Variants in PDLIM3 observed in about 807,000 individuals in gnomAD.
PDLIM3 encodes the protein PDZ and LIM domain protein 3.
A neutral mutation model predicts 37.3 loss-of-function variants in PDLIM3; 36 were observed. That is an observed-to-expected ratio of 0.97 (90% CI 0.74 to 1.28). PDLIM3 has a LOEUF of 1.28. Ranked by LOEUF, PDLIM3 falls within the 50% of genes most tolerant of loss-of-function variation. The pLI, the probability that PDLIM3 is intolerant of heterozygous loss-of-function variation, is 0.00. For synonymous variants in PDLIM3, 174 were observed against 182.4 expected, an observed-to-expected ratio of 0.95 and a Z score of 0.37; for missense variants, 454 against 485.0, an observed-to-expected ratio of 0.94 and a Z score of 0.60.
chr4:185,523,909 C>T (rs1208304195), intron 2 of PDLIM3, among the ~76,000 whole-genome samples: 2 of 151,766 alleles, frequency 1.3e-5, no homozygotes, highest in Non-Finnish European at 2.9e-5. Context: ...GGAGCCACCA[C>T]ACCCGGCCGA....
At chr4:185,525,231 C>A in intron 1 of PDLIM3, 60 bp from the exon 2 acceptor site, 2 of 1,538,466 alleles carry the variant, frequency 1.3e-6, no homozygotes, top group Non-Finnish European at 9.0e-7. Context: ...GAGTTTTGTG[C>A]CTGACATTTG....
chr4:185,527,284 T>C (rs908605742), intron 1 of PDLIM3, among the ~76,000 whole-genome samples: 5 of 152,256 alleles, frequency 3.3e-5, no homozygotes, highest in African/African-American at 1.2e-4. Context: ...TTATTTCTAA[T>C]GCTTTATTTA....
intron 4 of PDLIM3, among the ~76,000 whole-genome samples, chr4:185,509,223 TGAG>T (rs151248621): frequency 0.027 from 4,121 of 152,256 alleles, 184 homozygotes; most frequent in African/African-American, 0.093. Flanking sequence ...TTTAGTTCTG[TGAG>T]GAGTATACTT....
Position 185,529,632 on chromosome 4 carries a change from A to C in PDLIM3, c.94-4461T>G, listed in dbSNP as rs143355113. Among the ~76,000 whole-genome samples, 78 of 152,300 alleles carry C rather than the reference A, an allele frequency of 5.1e-4. 1 individual carries two copies. Among genetic ancestry groups the C allele is most frequent in the African/African-American group, 1.8e-3 (73 of 41,560 alleles). On this transcript the variant is annotated intron_variant, in intron 1 of 7. Coordinates refer to ENST00000284767, the MANE Select transcript of PDLIM3 (RefSeq NM_014476.6). ...AGCCACACCCCACACCGGTTATATT[A>C]GAATCTCTGCATGCACCTGGGCATG...
intron 1 of PDLIM3, among the ~76,000 whole-genome samples, chr4:185,533,675 A>G (rs1361854190): frequency 6.6e-6 from 1 of 152,188 alleles, no homozygotes; most frequent in Non-Finnish European, 1.5e-5. Context: ...CCATTATATC[A>G]AATATATTTA....
At chr4:185,534,005 G>C (rs2095749148) in intron 1 of PDLIM3, among the ~76,000 whole-genome samples, 1 of 152,124 alleles carries the variant, frequency 6.6e-6, no homozygotes, top group Admixed American at 6.5e-5. Context: ...TCTATAATAG[G>C]AATTGCTTGG....
intron 3 of PDLIM3, among the ~76,000 whole-genome samples, chr4:185,520,004 T>C (rs1580256446): frequency 6.6e-6 from 1 of 152,236 alleles, no homozygotes; most frequent in South Asian, 2.1e-4. Context: ...GAAAAAGACA[T>C]CTTTTTTGCA....
Position 185,514,884 on chromosome 4 carries a change from T to C in PDLIM3, c.331-547A>G. 1 of 1,550,398 alleles carries C rather than the reference T, an allele frequency of 6.4e-7. No homozygotes were observed. The highest frequency in any genetic ancestry group is 8.7e-7 in the Non-Finnish European group (1 of 1,146,452). ...CTGTTGTGCGCGGTACCAATGGGTT[T>C]GAATTCCTGTACAATGGCAGACAAA... On this transcript the variant is annotated intron_variant, in intron 3 of 7. Transcript: ENST00000284767. This position sits in a 1 kb window ranked among gnomAD's most constrained non-coding sequence, Gnocchi z 4.0.
In PDLIM3 at chr4:185,506,455, C is replaced by T. The variant is rs572463866; in HGVS notation, c.793+67G>A. ...CTTTCATTCCCAGTATGTTTGCTGT[C>T]GTCCCCGTCCCGCCCCCTGCAGTGG... On this transcript the variant is annotated intron_variant, in intron 6 of 7. Coordinates refer to ENST00000284767, the MANE Select transcript of PDLIM3 (RefSeq NM_014476.6). 5.2e-5 allele frequency: 83 copies of T among 1,595,636 alleles called. No individual in the cohort carries two copies. In the African/African-American group the frequency reaches 7.8e-4, roughly 15 times the overall value.
At chr4:185,518,378 T>C (rs1281506057) in intron 3 of PDLIM3, among the ~76,000 whole-genome samples, 1 of 152,106 alleles carries the variant, frequency 6.6e-6, no homozygotes, top group East Asian at 1.9e-4. Context: ...AGATAATCTT[T>C]ATAATTCTGA....
At chr4:185,533,656 T>C (rs1260129239) in intron 1 of PDLIM3, among the ~76,000 whole-genome samples, 2 of 152,164 alleles carry the variant, frequency 1.3e-5, no homozygotes, top group African/African-American at 4.8e-5. Context: ...GTTTCCCTAA[T>C]AATAACTGCC....
chr4:185,525,128 C>A lies in PDLIM3; in HGVS notation c.137G>T (p.Gly46Val). The A allele has an allele frequency of 6.2e-7, 1 of 1,614,164 alleles. No individual in the cohort carries two copies. Among genetic ancestry groups the A allele is most frequent in the Non-Finnish European group, 8.5e-7 (1 of 1,180,002 alleles). The change falls in exon 2 of 8, where the codon GGA (glycine) becomes GTA (valine). Residue 46 changes from glycine (G) to valine (V), a missense_variant. Physicochemically the swap from Gly to Val is moderately radical, Grantham distance 109 (BLOSUM62 -3). Coordinates refer to ENST00000284767, the MANE Select transcript of PDLIM3 (RefSeq NM_014476.6). ...SKAAAANLCP[G>V]DVILAIDGFG... Reference sequence around the variant, plus strand: ...GCCGTCAATAGCCAGGATGACATCTCCAGGACACAGGTTGGCAGCTGCCGC... The same window carrying A: ...GCCGTCAATAGCCAGGATGACATCTACAGGACACAGGTTGGCAGCTGCCGC...
At chr4:185,506,411 A>C in intron 6 of PDLIM3, 111 bp downstream of exon 6, 1 of 1,468,602 alleles carries the variant, frequency 6.8e-7, no homozygotes, top group East Asian at 2.3e-5. Context: ...TTGGCTCCCA[A>C]TGAAAACCAA....
intron 4 of PDLIM3, among the ~76,000 whole-genome samples, chr4:185,509,183 T>C (rs1230885774): frequency 2.0e-5 from 3 of 152,214 alleles, no homozygotes; most frequent in Non-Finnish European, 4.4e-5. Context: ...AAATATTTTG[T>C]TACTATTTTA....
rs1033013767 is a variant in PDLIM3, at chr4:185,524,507, T to G, written c.245+513A>C. 3.7e-4 allele frequency among the ~76,000 whole-genome samples: 57 copies of G among 152,262 alleles called. 2 individuals carry two copies. ...GTCAGAAACATCTCAGTATTTCACA[T>G]GCCCACGTGCATATGCACTCTCACA... On this transcript the variant is annotated intron_variant, in intron 2 of 7. Coordinates refer to ENST00000284767, the MANE Select transcript of PDLIM3 (RefSeq NM_014476.6).
At chr4:185,525,458 T>TA (rs1478810630) in intron 1 of PDLIM3, among the ~76,000 whole-genome samples, 1 of 152,232 alleles carries the variant, frequency 6.6e-6, no homozygotes, top group South Asian at 2.1e-4. Flanking sequence ...TTTTTTGTTT[T>TA]AAAAAATTAT....
At position 185,514,237 on chromosome 4, in the gene PDLIM3, C is replaced by T; in HGVS notation, c.398+33G>A. On this transcript the variant is annotated intron_variant, in intron 4 of 7. Coordinates refer to ENST00000284767, the MANE Select transcript of PDLIM3 (RefSeq NM_014476.6). The surrounding 1 kb of genome is among the most constrained non-coding windows in gnomAD (Gnocchi z 4.0). Reference sequence around the variant, plus strand: ...AGTAAGAACTGATTTAAGAAGCATGCACTGCAAACTCCACAGTCTCAGCGC... The same window carrying T: ...AGTAAGAACTGATTTAAGAAGCATGTACTGCAAACTCCACAGTCTCAGCGC... 6.2e-7 allele frequency: 1 copy of T among 1,614,160 alleles called. No individual in the cohort carries two copies. The highest frequency in any genetic ancestry group is 8.5e-7 in the Non-Finnish European group (1 of 1,180,012).
In PDLIM3 at chr4:185,524,193, C is replaced by G. The variant is rs140298784; in HGVS notation, c.246-747G>C. On this transcript the variant is annotated intron_variant, in intron 2 of 7. Transcript: ENST00000284767. Reference sequence around the variant, plus strand: ...AGGAAATGTGCTTTGTCCAACCCTTCTCATGCATCTGCCTGGGACCTAGTG... The same window carrying G: ...AGGAAATGTGCTTTGTCCAACCCTTGTCATGCATCTGCCTGGGACCTAGTG... Among the ~76,000 whole-genome samples the G allele has an allele frequency of 5.6e-3, 857 of 152,294 alleles. 6 individuals carry two copies. The highest frequency in any genetic ancestry group is 0.019 in the African/African-American group (786 of 41,566).
At chr4:185,510,095 C>T (rs190139802) in intron 4 of PDLIM3, among the ~76,000 whole-genome samples, 58 of 152,244 alleles carry the variant, frequency 3.8e-4, no homozygotes, top group African/African-American at 1.3e-3. Context: ...CATTTTTGTA[C>T]GATCTATAGT....
Sources: gnomAD v4.1 joint callset for allele counts (sites outside exome capture counted in the v4.1 genomes callset) on GRCh38, gnomAD v4.1.1 for gene constraint, Gnocchi (gnomAD v3.1) non-coding constraint, MANE v1.5 for transcripts, NCBI Gene and HGNC (gene_info 2026-07-23, HGNC 2026-07-21) for gene names.